Variants in ADAMTS16 observed in about 807,000 individuals in gnomAD.
ADAMTS16 encodes the protein ADAM metallopeptidase with thrombospondin type 1 motif 16.
In ADAMTS16, 94 loss-of-function variants were observed where a neutral mutation model predicts 145.8. That is an observed-to-expected ratio of 0.64 (90% CI 0.55 to 0.77). The LOEUF is 0.77. ADAMTS16 is among the 30% of genes least tolerant of loss of function. The pLI is 0.00. For synonymous variants in ADAMTS16, 659 were observed against 604.3 expected (o/e 1.09, Z -1.33); for missense variants, 1,585 against 1,591.5 (o/e 1.00, Z 0.07).
At chr5:5,316,377 C>CTCCTTTAATTTCTGT (rs1734059811) in intron 21 of ADAMTS16, among the ~76,000 whole-genome samples, 1 of 152,196 alleles carries the variant, frequency 6.6e-6, no homozygotes, top group African/African-American at 2.4e-5. Flanking sequence ...CTTGCAGGTG[C>CTCCTTTAATTTCTGT]TCCTTTAATT....
intron 3 of ADAMTS16, among the ~76,000 whole-genome samples, chr5:5,175,171 G>C (rs1735152779): frequency 1.3e-5 from 2 of 152,176 alleles, no homozygotes; most frequent in Non-Finnish European, 2.9e-5. Context: ...AGTACTGCCT[G>C]GGTACCACTG....
chr5:5,183,985 A>G (rs1415675963), intron 4 of ADAMTS16, among the ~76,000 whole-genome samples: 1 of 152,214 alleles, frequency 6.6e-6, no homozygotes, highest in Non-Finnish European at 1.5e-5. Flanking sequence ...GATATTGGTG[A>G]TTGACATCCT....
At chr5:5,141,260 A>G (rs1734161516) in intron 2 of ADAMTS16, among the ~76,000 whole-genome samples, 5 of 152,218 alleles carry the variant, frequency 3.3e-5, no homozygotes, top group Non-Finnish European at 5.9e-5. Context: ...ACCAAAGTTA[A>G]TGCTCCAACA....
chr5:5,196,423 G>T (rs1735806381), intron 8 of ADAMTS16, among the ~76,000 whole-genome samples: 1 of 152,054 alleles, frequency 6.6e-6, no homozygotes. Flanking sequence ...CAGTGCATCA[G>T]GGAGGCATGT....
At chr5:5,246,246 T>C (rs1342091076) in intron 17 of ADAMTS16, among the ~76,000 whole-genome samples, 1 of 152,242 alleles carries the variant, frequency 6.6e-6, no homozygotes, top group Non-Finnish European at 1.5e-5. Flanking sequence ...ACCTGTGTCT[T>C]AAATTGTCCA....
intron 2 of ADAMTS16, among the ~76,000 whole-genome samples, chr5:5,144,305 C>CT (rs987594758): frequency 4.6e-5 from 7 of 152,150 alleles, no homozygotes; most frequent in African/African-American, 7.2e-5. Context: ...ACAGGCTACA[C>CT]TTTTTTTCCT....
intron 3 of ADAMTS16, among the ~76,000 whole-genome samples, chr5:5,163,953 C>A (rs912587998): frequency 6.6e-6 from 1 of 152,286 alleles, no homozygotes; most frequent in South Asian, 2.1e-4. Context: ...CCTTTGTGAT[C>A]CATGTGGTGT....
chr5:5,202,025 T>C (rs1735973437), intron 9 of ADAMTS16, among the ~76,000 whole-genome samples: 1 of 152,208 alleles, frequency 6.6e-6, no homozygotes, highest in Admixed American at 6.5e-5. Flanking sequence ...AGTAGCAGGA[T>C]CACACCAGTA....
At chr5:5,144,071 C>A (rs1470655284) in intron 2 of ADAMTS16, among the ~76,000 whole-genome samples, 1 of 151,932 alleles carries the variant, frequency 6.6e-6, no homozygotes, top group Non-Finnish European at 1.5e-5. Flanking sequence ...TACATGTATA[C>A]CTATGTAACA....
intron 20 of ADAMTS16, among the ~76,000 whole-genome samples, chr5:5,303,985 G>A (rs1355702690): frequency 6.6e-6 from 1 of 152,140 alleles, no homozygotes; most frequent in Non-Finnish European, 1.5e-5. Context: ...TGGCGTCCAC[G>A]TCATCATCAC....
chr5:5,276,612 G>A (rs1449314242), intron 18 of ADAMTS16, among the ~76,000 whole-genome samples: 3 of 152,296 alleles, frequency 2.0e-5, no homozygotes, highest in East Asian at 1.9e-4. Context: ...GCAGCAGGCC[G>A]AGAGCCAGGC....
intron 4 of ADAMTS16, among the ~76,000 whole-genome samples, chr5:5,183,357 C>G (rs116074225): frequency 0.015 from 2,312 of 152,292 alleles, 71 homozygotes; most frequent in African/African-American, 0.054. Context: ...AACAGCTGCC[C>G]GAGGCTGCCG....
intron 12 of ADAMTS16, 82 bp downstream of exon 12, chr5:5,232,598 C>CAA: frequency 8.1e-7 from 1 of 1,241,566 alleles, no homozygotes; most frequent in African/African-American, 1.7e-5. Context: ...TGTGTCTCAG[C>CAA]TCTTTTTTTT....
chr5:5,256,425 G>T (rs910163680), intron 17 of ADAMTS16, among the ~76,000 whole-genome samples: 2 of 152,208 alleles, frequency 1.3e-5, no homozygotes, highest in Non-Finnish European at 2.9e-5. Context: ...ACCTGCATTG[G>T]ATAAACACAG....
At position 5,239,916 on chromosome 5, in the gene ADAMTS16, G is replaced by T; in HGVS notation, c.2514G>T (p.Leu838=). 1 of 1,613,772 alleles carries T rather than the reference G, an allele frequency of 6.2e-7. No individual in the cohort carries two copies. Among genetic ancestry groups the T allele is most frequent in the South Asian group, 1.1e-5 (1 of 91,036 alleles). ...CTACTGGACCAACCAACGAGACACT[G>T]ATTGTGGAGGTAAAGTCCAGCCTCT... is the stretch of plus-strand genomic sequence containing the variant. ...LIATGPTNET[L]IVELLFQGRN... The change falls in exon 16 of 23, where the codon CTG becomes CTT. Residue 838 remains leucine, a synonymous_variant. Coordinates refer to ENST00000274181, the MANE Select transcript of ADAMTS16 (RefSeq NM_139056.4).
intron 18 of ADAMTS16, among the ~76,000 whole-genome samples, chr5:5,298,138 A>G (rs1056950003): frequency 2.0e-5 from 3 of 152,060 alleles, no homozygotes; most frequent in African/African-American, 7.2e-5. Flanking sequence ...ATGCAAACCA[A>G]CTGTGGCTGG....
intron 3 of ADAMTS16, 148 bp from the exon 4 acceptor site, chr5:5,181,896 G>A: frequency 1.1e-6 from 1 of 876,180 alleles, no homozygotes; most frequent in Non-Finnish European, 1.7e-6. Context: ...CTCAGCCGGG[G>A]TTTTTGAACC....
At chr5:5,266,548 A>T (rs556112271) in intron 18 of ADAMTS16, among the ~76,000 whole-genome samples, 6 of 152,320 alleles carry the variant, frequency 3.9e-5, no homozygotes, top group African/African-American at 1.2e-4. Flanking sequence ...CATTTAAATC[A>T]CAGTTGCCCA....
At chr5:5,295,351 C>T (rs1203779918) in intron 18 of ADAMTS16, among the ~76,000 whole-genome samples, 1 of 152,208 alleles carries the variant, frequency 6.6e-6, no homozygotes, top group South Asian at 2.1e-4. Flanking sequence ...GATTTAACTT[C>T]GTTTTCATAG....
Sources: allele counts gnomAD v4.1 joint callset (sites outside exome capture counted in the v4.1 genomes callset), GRCh38; gene constraint gnomAD v4.1.1; transcripts MANE v1.5; gene names NCBI Gene and HGNC (gene_info 2026-07-23, HGNC 2026-07-21).